TASP1: variants seen among roughly 807,000 people sequenced by gnomAD.
TASP1 encodes threonine aspartase 1.
In TASP1, 16 loss-of-function variants were observed where a neutral mutation model predicts 56.6. The ratio of observed to expected loss-of-function variants is 0.28; its 90% CI spans 0.19 to 0.43. The LOEUF is 0.43. Among genes scored for constraint, TASP1 ranks in the 20% least tolerant of loss-of-function variants. The pLI is 1.00. For missense variants in TASP1, 393 were observed against 511.6 expected, an observed-to-expected ratio of 0.77 and a Z score of 2.24; for synonymous variants, 179 against 184.2, an observed-to-expected ratio of 0.97 and a Z score of 0.23.
the TASP1 span, among the ~76,000 whole-genome samples, chr20:13,236,425 A>G: frequency 6.6e-6 from 1 of 152,118 alleles, no homozygotes; most frequent in Non-Finnish European, 1.5e-5. Context: ...GGGAGAAACA[A>G]TTCGGTTGAG....
At chr20:13,105,915 G>C in the TASP1 span, among the ~76,000 whole-genome samples, 1 of 152,112 alleles carries the variant, frequency 6.6e-6, no homozygotes, top group Non-Finnish European at 1.5e-5. Context: ...AAGTCGCAAG[G>C]TTTTCTTCAA....
At chr20:13,148,722 C>T in the TASP1 span, among the ~76,000 whole-genome samples, 1 of 152,178 alleles carries the variant, frequency 6.6e-6, no homozygotes, top group African/African-American at 2.4e-5. Flanking sequence ...TTGGCTGAAC[C>T]TTGTTAAAAC....
intron 9 of TASP1, among the ~76,000 whole-genome samples, 184 bp downstream of exon 9, chr20:13,533,838 T>C (rs2045316287): frequency 6.6e-6 from 1 of 152,132 alleles, no homozygotes; most frequent in African/African-American, 2.4e-5. Context: ...CCAATTACTA[T>C]GAGATAGGTT....
At chr20:13,620,824 T>TACAGC (rs1305906789) in intron 4 of TASP1, among the ~76,000 whole-genome samples, 2 of 152,226 alleles carry the variant, frequency 1.3e-5, no homozygotes, top group African/African-American at 4.8e-5. Context: ...TTTCTCTAAG[T>TACAGC]ACAGCAAATA....
the TASP1 span, among the ~76,000 whole-genome samples, chr20:13,270,032 A>T: frequency 5.9e-5 from 9 of 152,294 alleles, no homozygotes; most frequent in Admixed American, 3.9e-4. Context: ...GGATGAATGT[A>T]TGTAATGAAT....
At chr20:13,332,844 C>T in the TASP1 span, among the ~76,000 whole-genome samples, 6 of 152,134 alleles carry the variant, frequency 3.9e-5, no homozygotes, top group South Asian at 2.1e-4. Flanking sequence ...CTGGTGTGAA[C>T]GGAAAGTTTG....
chr20:13,587,768 C>A (rs1359438231), intron 4 of TASP1, among the ~76,000 whole-genome samples: 2 of 151,282 alleles, frequency 1.3e-5, no homozygotes, highest in Non-Finnish European at 2.9e-5. Flanking sequence ...CAAAATCCAA[C>A]ACCCTTTCAT....
In TASP1 at chr20:13,603,333, T is replaced by C. The variant is rs1327846518; in HGVS notation, c.283-15963A>G. ...TGGGCAGACAGCTTGAATCCGGCAG[T>C]TCAAGACCAGCCTGAGAAAAATGGT... On this transcript the variant is annotated intron_variant, in intron 4 of 13. Coordinates refer to ENST00000337743, the MANE Select transcript of TASP1 (RefSeq NM_017714.3). Among the ~76,000 whole-genome samples, 7 of 152,088 alleles carry C rather than the reference T, an allele frequency of 4.6e-5. No individual in the cohort carries two copies. The East Asian group carries it at 1.4e-3, about 29-fold the overall frequency.
the TASP1 span, among the ~76,000 whole-genome samples, chr20:13,182,668 T>G: frequency 5.1e-4 from 78 of 152,342 alleles, 1 homozygote; most frequent in Middle Eastern, 3.4e-3. Context: ...ACATCTTCCA[T>G]GAGCTTCTTA....
At chr20:13,569,477 T>C (rs954331384) in intron 7 of TASP1, 30 bp downstream of exon 7, 4 of 1,580,002 alleles carry the variant, frequency 2.5e-6, no homozygotes, top group East Asian at 4.5e-5. Context: ...TATGCTCATA[T>C]AGCTTAATTT....
chr20:13,432,756 A>C (rs1441322925), intron 12 of TASP1, among the ~76,000 whole-genome samples: 2 of 152,220 alleles, frequency 1.3e-5, no homozygotes, highest in Non-Finnish European at 2.9e-5. Context: ...GTGAGCTAAA[A>C]TACTATGACT....
the TASP1 span, among the ~76,000 whole-genome samples, chr20:13,125,493 CA>C: frequency 1.3e-5 from 2 of 152,226 alleles, no homozygotes; most frequent in Non-Finnish European, 2.9e-5. Flanking sequence ...AAACCACCCC[CA>C]AATTTGGTGT....
chr20:13,121,741 G>C, the TASP1 span, among the ~76,000 whole-genome samples: 1 of 152,104 alleles, frequency 6.6e-6, no homozygotes, highest in Non-Finnish European at 1.5e-5. Context: ...TACTCAAAGA[G>C]CTCCATTTTT....
At chr20:13,323,008 G>C in the TASP1 span, among the ~76,000 whole-genome samples, 1 of 152,162 alleles carries the variant, frequency 6.6e-6, no homozygotes, top group Non-Finnish European at 1.5e-5. Flanking sequence ...GGCAGAAAAC[G>C]CCACAGTCCT....
the TASP1 span, among the ~76,000 whole-genome samples, chr20:13,354,405 C>T: frequency 6.6e-6 from 1 of 152,140 alleles, no homozygotes; most frequent in Non-Finnish European, 1.5e-5. Flanking sequence ...AACACTACCC[C>T]ACAGAAAGAG....
At chr20:13,436,648 T>G (rs919372212) in intron 11 of TASP1, among the ~76,000 whole-genome samples, 18 of 152,252 alleles carry the variant, frequency 1.2e-4, no homozygotes, top group African/African-American at 3.9e-4. Context: ...AACAGGGAGC[T>G]GAGGTGTAAG....
At chr20:13,389,164 C>T (rs918829775), downstream of TASP1, among the ~76,000 whole-genome samples, 4 of 152,176 alleles carry the variant, frequency 2.6e-5, no homozygotes, top group African/African-American at 9.7e-5. Flanking sequence ...TTTTTCAAAG[C>T]AAAGTGTTCT....
chr20:13,315,454 A>T, the TASP1 span, among the ~76,000 whole-genome samples: 1 of 152,074 alleles, frequency 6.6e-6, no homozygotes, highest in South Asian at 2.1e-4. Context: ...TTGTTACGTG[A>T]TGATAAAAGG....
At chr20:13,275,952 T>C in the TASP1 span, among the ~76,000 whole-genome samples, 3 of 152,164 alleles carry the variant, frequency 2.0e-5, no homozygotes, top group African/African-American at 7.2e-5. Context: ...AATGCCTAGA[T>C]TGGCGTGCTG....
Sources: allele counts gnomAD v4.1 joint callset (sites outside exome capture counted in the v4.1 genomes callset), GRCh38; gene constraint gnomAD v4.1.1; transcripts MANE v1.5; gene names NCBI Gene and HGNC (gene_info 2026-07-23, HGNC 2026-07-21).